Variants in PLXNC1 observed in about 807,000 individuals in gnomAD.
The protein encoded by PLXNC1 is plexin-C1.
PLXNC1 carries 75 observed loss-of-function variants against 178.2 expected under a neutral mutation model. That is an observed-to-expected ratio of 0.42 (90% confidence interval 0.35 to 0.51). The LOEUF (loss-of-function observed/expected upper bound fraction) is 0.51. PLXNC1 is among the 20% of genes least tolerant of loss of function. PLXNC1 has a pLI of 0.02. For missense variants in PLXNC1, 1,503 were observed against 1,984.4 expected (o/e 0.76, Z 4.61); for synonymous variants, 790 against 779.9 (o/e 1.01, Z -0.22).
Position 94,259,748 on chromosome 12 carries a change from C to A in PLXNC1, c.3251+14C>A, listed in dbSNP as rs117237612. The A allele has an allele frequency of 2.5e-4, 403 of 1,587,832 alleles. No homozygotes were observed. The highest frequency in any genetic ancestry group is 1.9e-3 in the Admixed American group (103 of 53,534). On this transcript the variant is annotated intron_variant, in intron 19 of 30. Coordinates refer to ENST00000258526, the MANE Select transcript of PLXNC1 (RefSeq NM_005761.3). ...TGTGAAGGACAGGTATTAGTCCATT[C>A]TTTGATGTTTTAAAAGCCTTTAAGA...
chr12:94,270,661 C>T (rs1305056758), intron 21 of PLXNC1, among the ~76,000 whole-genome samples: 1 of 151,824 alleles, frequency 6.6e-6, no homozygotes, highest in African/African-American at 2.4e-5. Flanking sequence ...AATCAGACAG[C>T]TCTTCATACT....
chr12:94,198,770 A>G (rs1424393162), intron 4 of PLXNC1, among the ~76,000 whole-genome samples: 1 of 152,172 alleles, frequency 6.6e-6, no homozygotes, highest in Non-Finnish European at 1.5e-5. Context: ...TGGTCTTCAC[A>G]TGACCTTCTT....
At position 94,259,899 on chromosome 12, in the gene PLXNC1, C is replaced by CA. The variant is rs67260160; in HGVS notation, c.3251+180dup. Reference sequence around the variant, plus strand: ...CCAACACAGCAAAACCTTGTCTCTACAAAAAAAAAAAAAAAGAGAGAGAAA... The same window carrying CA: ...CCAACACAGCAAAACCTTGTCTCTACAAAAAAAAAAAAAAAAGAGAGAGAAA... On this transcript the variant is annotated intron_variant, in intron 19 of 30. Coordinates refer to ENST00000258526, the MANE Select transcript of PLXNC1 (RefSeq NM_005761.3). 6.0e-3 allele frequency among the ~76,000 whole-genome samples: 690 copies of CA among 114,144 alleles called. 4 individuals are homozygous for CA. Among genetic ancestry groups the CA allele is most frequent in the Middle Eastern group, 0.02 (4 of 204 alleles). 74.9% of individuals were successfully genotyped at this position (114,144 alleles called of 152,430 possible).
In PLXNC1 at chr12:94,265,083, C is replaced by T. The variant is rs754014460; in HGVS notation, c.3455C>T (p.Thr1152Ile). The change falls in exon 21 of 31, where the codon ACT becomes ATT. Residue 1152 changes from threonine to isoleucine, a missense_variant. By Grantham distance (89) the Thr-to-Ile change is moderately conservative. Around this residue, in one of 4 missense-constraint regions of PLXNC1, gnomAD observed 639 missense variants for 979.7 expected, o/e 0.65. Transcript: ENST00000258526. Reference sequence around the variant, plus strand: ...CACTTTTGTGTCTTTTCCAAGGAGACTGTCGGAGAGCCCTTCTATTTGCTG... The same window carrying T: ...CACTTTTGTGTCTTTTCCAAGGAGATTGTCGGAGAGCCCTTCTATTTGCTG... ...SVCLSGFLRETVGEPFYLLVT... is the reference protein window; with the variant it reads ...SVCLSGFLREIVGEPFYLLVT... 2 of 1,614,066 alleles carry T rather than the reference C, an allele frequency of 1.2e-6. No homozygotes were observed. The highest frequency in any genetic ancestry group is 1.3e-5 in the African/African-American group (1 of 75,038).
intron 4 of PLXNC1, among the ~76,000 whole-genome samples, chr12:94,191,494 G>A (rs1041122967): frequency 6.6e-6 from 1 of 152,136 alleles, no homozygotes; most frequent in East Asian, 1.9e-4. Context: ...GTTAAGAATA[G>A]GCATCCAGAC....
intron 2 of PLXNC1, among the ~76,000 whole-genome samples, chr12:94,171,450 C>G (rs1961841561): frequency 6.6e-6 from 1 of 152,188 alleles, no homozygotes; most frequent in Non-Finnish European, 1.5e-5. Context: ...CTCCATGACA[C>G]AATGGGGCAG....
intron 21 of PLXNC1, among the ~76,000 whole-genome samples, chr12:94,265,781 G>A (rs1381148586): frequency 6.6e-6 from 1 of 152,164 alleles, no homozygotes; most frequent in Non-Finnish European, 1.5e-5. Flanking sequence ...ATCACTACAG[G>A]AAGATGATTG....
At position 94,149,814 on chromosome 12, in the gene PLXNC1, C is replaced by G. The variant is rs1278636550; in HGVS notation, c.843C>G (p.Leu281=). Residue 281 remains leucine (L), a synonymous_variant, in exon 1 of 31, where the codon CTC becomes CTG. Transcript: ENST00000258526. ...TEVLFQGQAS[L]DCGHGHPDGR... ...TGCTGTTCCAGGGCCAGGCATCCCT[C>G]GACTGCGGCCACGGCCACCCCGACG... 5 of 1,602,498 alleles carry G rather than the reference C, an allele frequency of 3.1e-6. No individual in the cohort carries two copies. Among genetic ancestry groups the G allele is most frequent in the Non-Finnish European group, 3.4e-6 (4 of 1,176,058 alleles).
intron 15 of PLXNC1, among the ~76,000 whole-genome samples, chr12:94,253,823 A>G (rs1964767440): frequency 1.3e-5 from 2 of 151,848 alleles, no homozygotes; most frequent in African/African-American, 2.4e-5. Context: ...CCAGGCATGC[A>G]CCATCGCACC....
intron 9 of PLXNC1, among the ~76,000 whole-genome samples, chr12:94,234,207 T>C (rs2136041930): frequency 6.6e-6 from 1 of 152,258 alleles, no homozygotes; most frequent in East Asian, 1.9e-4. Flanking sequence ...ATGCACCTCT[T>C]TCCAATATTC....
intron 1 of PLXNC1, chr12:94,150,687 C>G (rs971191416): frequency 6.6e-6 from 1 of 152,536 alleles, no homozygotes; most frequent in Admixed American, 6.5e-5. Flanking sequence ...TGGCTCTGCT[C>G]AGGGTGCGCT....
chr12:94,218,483 T>C (rs375781014), intron 5 of PLXNC1, among the ~76,000 whole-genome samples: 1 of 152,096 alleles, frequency 6.6e-6, no homozygotes. Flanking sequence ...GTGATAAGGT[T>C]ACCACTTCCT....
At chr12:94,185,661 G>A (rs1962481277) in intron 3 of PLXNC1, among the ~76,000 whole-genome samples, 1 of 152,204 alleles carries the variant, frequency 6.6e-6, no homozygotes, top group African/African-American at 2.4e-5. Flanking sequence ...CAACTCCACT[G>A]GAGGGGTGTG....
rs1296929003 is a variant in PLXNC1 at position 94,244,003 on chromosome 12, A to G, written c.2366A>G (p.His789Arg). 2 of 1,589,746 alleles carry G rather than the reference A, an allele frequency of 1.3e-6. No homozygotes were observed. The highest frequency in any genetic ancestry group is 1.3e-5 in the African/African-American group (1 of 74,606). Residue 789 changes from histidine to arginine, a missense_variant, in exon 12 of 31, where the codon CAT becomes CGT. Transcript: ENST00000258526. ...GTAATTGACAACTTAATCATTTCAC[A>G]TGAATTAAAAGGAAACATAAATGTA... ...FDVIDNLIIS[H>R]ELKGNINVSE...
chr12:94,253,340 C>G (rs537413982), intron 15 of PLXNC1, among the ~76,000 whole-genome samples: 1 of 149,838 alleles, frequency 6.7e-6, no homozygotes, highest in South Asian at 2.2e-4. Flanking sequence ...CATTTATTCA[C>G]TCATTCATCC....
At chr12:94,257,292 T>C (rs1964871450) in intron 17 of PLXNC1, among the ~76,000 whole-genome samples, 2 of 152,264 alleles carry the variant, frequency 1.3e-5, no homozygotes, top group South Asian at 4.1e-4. Flanking sequence ...CCAGAGGAGA[T>C]TGTAGGTTCT....
At chr12:94,195,638 A>G (rs749094826) in intron 4 of PLXNC1, among the ~76,000 whole-genome samples, 14 of 152,128 alleles carry the variant, frequency 9.2e-5, no homozygotes, top group Middle Eastern at 3.4e-3. Flanking sequence ...CATTCACTCC[A>G]TATTTTTCTA....
At chr12:94,237,638 C>A in intron 9 of PLXNC1, 26 bp from the exon 10 acceptor site, 1 of 1,599,822 alleles carries the variant, frequency 6.3e-7, no homozygotes, top group Non-Finnish European at 8.5e-7. Context: ...CTTTGATCTC[C>A]TGTTTTAATC....
chr12:94,254,684 T>G, intron 15 of PLXNC1, 103 bp from the exon 16 acceptor site: 1 of 745,996 alleles, frequency 1.3e-6, no homozygotes. Flanking sequence ...CCTATCTGTT[T>G]TGTTTTTGTT....
Sources: allele counts gnomAD v4.1 joint callset (sites outside exome capture counted in the v4.1 genomes callset), GRCh38; gene constraint gnomAD v4.1.1; regional missense constraint gnomAD v4.1.1; transcripts MANE v1.5; gene names NCBI Gene and HGNC (gene_info 2026-07-23, HGNC 2026-07-21).